Variants in SUGCT observed in about 807,000 individuals in gnomAD.
SUGCT encodes the protein succinyl-CoA:glutarate CoA-transferase.
SUGCT carries 41 observed loss-of-function variants against 55.0 expected under a neutral mutation model. That is an observed-to-expected ratio of 0.74 (90% CI 0.58 to 0.97). The LOEUF is 0.97. Among genes scored for constraint, SUGCT ranks in the 50% least tolerant of loss-of-function variants. The pLI, the probability that SUGCT is intolerant of heterozygous loss-of-function variation, is 0.00. For synonymous variants in SUGCT, 187 were observed against 200.4 expected, an observed-to-expected ratio of 0.93 and a Z score of 0.56; for missense variants, 568 against 547.8, an observed-to-expected ratio of 1.04 and a Z score of -0.37.
intron 6 of SUGCT, among the ~76,000 whole-genome samples, chr7:40,206,349 C>T (rs1032697007): frequency 6.6e-6 from 1 of 152,196 alleles, no homozygotes; most frequent in African/African-American, 2.4e-5. Flanking sequence ...TTTCTTCAAG[C>T]TAGCATTAGT....
At chr7:40,268,873 G>A (rs1018422946) in intron 7 of SUGCT, among the ~76,000 whole-genome samples, 1 of 152,076 alleles carries the variant, frequency 6.6e-6, no homozygotes, top group Non-Finnish European at 1.5e-5. Flanking sequence ...TCCTGACCTC[G>A]TGATCCGCCC....
At chr7:40,449,177 TTAA>T (rs1182213477) in intron 9 of SUGCT, 107 bp from the exon 10 acceptor site, 2 of 673,214 alleles carry the variant, frequency 3.0e-6, no homozygotes, top group Admixed American at 2.7e-5. Flanking sequence ...CGATATTGAA[TTAA>T]TAACATTGCT....
chr7:40,535,363 A>G (rs1052566615), intron 12 of SUGCT, among the ~76,000 whole-genome samples: 2 of 152,094 alleles, frequency 1.3e-5, no homozygotes, highest in African/African-American at 4.8e-5. Context: ...CTTTATGTCC[A>G]TGTATAGACA....
intron 11 of SUGCT, among the ~76,000 whole-genome samples, chr7:40,476,768 CA>C (rs1477963592): frequency 6.6e-6 from 1 of 151,168 alleles, no homozygotes; most frequent in Non-Finnish European, 1.5e-5. Flanking sequence ...TGGAATGATT[CA>C]ATCAAACTGA....
rs550896917 is a variant in SUGCT, at chr7:40,666,657, G to A, written c.1090-82777G>A. 1.1e-4 allele frequency among the ~76,000 whole-genome samples: 17 copies of A among 152,156 alleles called. No individual in the cohort carries two copies. The East Asian group carries it at 3.3e-3, about 30-fold the overall frequency. ...TGTTCTGCTTAGTGCTGAAGATCCAGTGACTTCAGATATAATACATTTATG... is the reference window on the plus strand; with the variant it reads ...TGTTCTGCTTAGTGCTGAAGATCCAATGACTTCAGATATAATACATTTATG... On this transcript the variant is annotated intron_variant, in intron 12 of 13. Coordinates refer to ENST00000335693, the MANE Select transcript of SUGCT (RefSeq NM_001193313.2).
At chr7:40,983,293 C>A in the SUGCT span, among the ~76,000 whole-genome samples, 2 of 152,088 alleles carry the variant, frequency 1.3e-5, no homozygotes, top group Non-Finnish European at 2.9e-5. Flanking sequence ...ACACATCATT[C>A]CCTTGCTACC....
At chr7:40,378,003 C>T (rs961216779) in intron 9 of SUGCT, among the ~76,000 whole-genome samples, 1 of 152,154 alleles carries the variant, frequency 6.6e-6, no homozygotes, top group Non-Finnish European at 1.5e-5. Context: ...TGCTTCTCTC[C>T]TGCTGCTTTC....
chr7:40,324,252 A>AT (rs1554311560), intron 9 of SUGCT, among the ~76,000 whole-genome samples: 3 of 117,616 alleles, frequency 2.6e-5, no homozygotes, highest in African/African-American at 7.1e-5. Context: ...TAAATAAATA[A>AT]ATATATATAT....
Position 40,362,030 on chromosome 7 carries a change from A to G in SUGCT, c.816+45175A>G, listed in dbSNP as rs189332474. 2.0e-3 allele frequency among the ~76,000 whole-genome samples: 300 copies of G among 152,038 alleles called. 2 individuals are homozygous for G. The highest frequency in any genetic ancestry group is 6.9e-3 in the African/African-American group (288 of 41,478). ...ATATTTAAATGTCAATCCAGAGAGG[A>G]CTGTAATACACGTAGGCTGCCAAGG... is the stretch of plus-strand genomic sequence containing the variant. On this transcript the variant is annotated intron_variant, in intron 9 of 13. Coordinates refer to ENST00000335693, the MANE Select transcript of SUGCT (RefSeq NM_001193313.2).
At chr7:40,716,604 T>C (rs1786038793) in intron 12 of SUGCT, among the ~76,000 whole-genome samples, 1 of 152,164 alleles carries the variant, frequency 6.6e-6, no homozygotes, top group Admixed American at 6.5e-5. Flanking sequence ...GGCTAATCAT[T>C]TGTGAAAAGA....
Position 40,860,319 on chromosome 7 carries a change from C to A in SUGCT, c.1157C>A (p.Pro386Gln). 1 of 1,613,954 alleles carries A rather than the reference C, an allele frequency of 6.2e-7. No homozygotes were observed. The highest frequency in any genetic ancestry group is 8.5e-7 in the Non-Finnish European group (1 of 1,179,852). The change falls in exon 14 of 14, where the codon CCA becomes CAA. Residue 386 changes from proline to glutamine, a missense_variant. Pro to Gln is a moderately conservative substitution (Grantham distance 76). Coordinates refer to ENST00000335693, the MANE Select transcript of SUGCT (RefSeq NM_001193313.2). Reference protein sequence around the residue: ...PTVGKISVPGPAVRYSKFKMS... With the variant: ...PTVGKISVPGQAVRYSKFKMS... ...TGCTTTCCTTCTCCTTTGGCAGGCC[C>A]AGCTGTGAGATACAGTAAGTTCAAG...
At chr7:40,251,986 G>A (rs970208281) in intron 7 of SUGCT, among the ~76,000 whole-genome samples, 4 of 151,678 alleles carry the variant, frequency 2.6e-5, no homozygotes, top group Admixed American at 2.6e-4. Flanking sequence ...AAAAAAATGT[G>A]TTGGTAGAAT....
At chr7:40,465,891 A>G (rs1268536569) in intron 11 of SUGCT, among the ~76,000 whole-genome samples, 1 of 151,368 alleles carries the variant, frequency 6.6e-6, no homozygotes, top group East Asian at 1.9e-4. Flanking sequence ...AAATAAATAT[A>G]TTTTTTTTGA....
At chr7:40,694,492 C>T (rs1562950216) in intron 12 of SUGCT, among the ~76,000 whole-genome samples, 1 of 152,208 alleles carries the variant, frequency 6.6e-6, no homozygotes, top group Non-Finnish European at 1.5e-5. Context: ...AGTTTTGTCT[C>T]TAGTATTTCC....
chr7:41,003,965 A>G, the SUGCT span, among the ~76,000 whole-genome samples: 1 of 152,206 alleles, frequency 6.6e-6, no homozygotes, highest in Non-Finnish European at 1.5e-5. Flanking sequence ...AGGTATAGAT[A>G]CAGTTAAAAT....
the SUGCT span, among the ~76,000 whole-genome samples, chr7:40,920,823 G>A: frequency 0.052 from 7,909 of 152,280 alleles, 308 homozygotes; most frequent in South Asian, 0.17. Context: ...AAAATAAAAT[G>A]AAAGATAAGC....
chr7:40,180,540 A>G (rs1584269237), intron 1 of SUGCT, among the ~76,000 whole-genome samples: 1 of 150,482 alleles, frequency 6.6e-6, no homozygotes, highest in African/African-American at 2.5e-5. Context: ...CCCAGGCTGG[A>G]GTGCAGCGGC....
chr7:40,358,062 T>G (rs1432063092), intron 9 of SUGCT, among the ~76,000 whole-genome samples: 1 of 152,248 alleles, frequency 6.6e-6, no homozygotes, highest in Non-Finnish European at 1.5e-5. Context: ...GCCCAATAAG[T>G]AGTTTTGAAT....
At chr7:40,709,438 A>G (rs1326164623) in intron 12 of SUGCT, among the ~76,000 whole-genome samples, 4 of 152,240 alleles carry the variant, frequency 2.6e-5, no homozygotes, top group Non-Finnish European at 5.9e-5. Context: ...AGGAGGATCT[A>G]CAAGGATATG....
Sources: allele counts gnomAD v4.1 joint callset (sites outside exome capture counted in the v4.1 genomes callset), GRCh38; gene constraint gnomAD v4.1.1; transcripts MANE v1.5; gene names NCBI Gene and HGNC (gene_info 2026-07-23, HGNC 2026-07-21).